Variants in PDE4B observed in about 807,000 individuals in gnomAD.
PDE4B encodes phosphodiesterase 4B.
In PDE4B, 20 loss-of-function variants were observed where a neutral mutation model predicts 82.2. The observed-to-expected ratio is 0.24, with a 90% CI of 0.17 to 0.35. The LOEUF (loss-of-function observed/expected upper bound fraction) is 0.35, where lower values mean the gene tolerates loss of function less well. Among genes scored for constraint, PDE4B ranks in the 10% least tolerant of loss-of-function variants. PDE4B has a pLI of 1.00. For synonymous variants in PDE4B, 320 were observed against 318.9 expected (o/e 1.00, Z -0.04); for missense variants, 655 against 907.2 (o/e 0.72, Z 3.57).
intron 2 of PDE4B, among the ~76,000 whole-genome samples, chr1:65,913,831 C>T (rs1409966978): frequency 1.3e-5 from 2 of 152,132 alleles, no homozygotes; most frequent in Non-Finnish European, 2.9e-5. Flanking sequence ...GCAGTATTAG[C>T]ATTACCTGGG....
chr1:65,954,835 T>C (rs573245331), intron 3 of PDE4B, among the ~76,000 whole-genome samples: 8 of 152,154 alleles, frequency 5.3e-5, no homozygotes, highest in Admixed American at 5.2e-4. Flanking sequence ...CTTTTTCTAA[T>C]TTTTAAATAT....
At chr1:66,319,481 C>G (rs1267247034) in intron 7 of PDE4B, among the ~76,000 whole-genome samples, 1 of 152,206 alleles carries the variant, frequency 6.6e-6, no homozygotes, top group Non-Finnish European at 1.5e-5. Context: ...TAATAATTTA[C>G]CAAGTGCTTA....
intron 3 of PDE4B, among the ~76,000 whole-genome samples, chr1:65,964,896 A>G (rs1370615431): frequency 4.9e-5 from 1 of 20,600 alleles, no homozygotes; most frequent in Non-Finnish European, 1.1e-4. Flanking sequence ...AACAGTGGTT[A>G]TACCCAGTGG....
chr1:66,321,482 C>T (rs980823044), intron 7 of PDE4B, among the ~76,000 whole-genome samples: 2 of 152,098 alleles, frequency 1.3e-5, no homozygotes, highest in Non-Finnish European at 2.9e-5. Context: ...AACAAAATAT[C>T]TGAGATTAGG....
chr1:66,161,155 G>T (rs1646604852), intron 3 of PDE4B, among the ~76,000 whole-genome samples: 2 of 151,890 alleles, frequency 1.3e-5, no homozygotes, highest in Non-Finnish European at 2.9e-5. Context: ...ATTCAAATTG[G>T]GCATCTAACA....
In PDE4B at chr1:66,275,737, G is replaced by A. The variant is rs796724101; in HGVS notation, c.634+9650G>A. Among the ~76,000 whole-genome samples, 44 of 152,190 alleles carry A rather than the reference G, an allele frequency of 2.9e-4. 1 individual carries two copies. The highest frequency in any genetic ancestry group is 9.1e-4 in the African/African-American group (38 of 41,532). ...TGAAGTTGCCTCCAGAACTGTTCTC[G>A]GAAGCCAGGAGCATTTCAGGGAACA... On this transcript the variant is annotated intron_variant, in intron 7 of 16. Coordinates refer to ENST00000341517, the MANE Select transcript of PDE4B (RefSeq NM_002600.4).
At chr1:65,928,500 A>T (rs1374563707) in intron 3 of PDE4B, among the ~76,000 whole-genome samples, 1 of 152,154 alleles carries the variant, frequency 6.6e-6, no homozygotes, top group Non-Finnish European at 1.5e-5. Flanking sequence ...GTTGAGTGCC[A>T]CCACTTGGCT....
At chr1:66,224,171 A>T (rs1044964554) in intron 3 of PDE4B, among the ~76,000 whole-genome samples, 8 of 151,840 alleles carry the variant, frequency 5.3e-5, no homozygotes, top group African/African-American at 1.9e-4. Context: ...CACTGCTTAG[A>T]TTTCTACTCC....
At chr1:66,164,260 G>A (rs935273568) in intron 3 of PDE4B, among the ~76,000 whole-genome samples, 5 of 151,936 alleles carry the variant, frequency 3.3e-5, no homozygotes, top group South Asian at 2.1e-4. Flanking sequence ...CAATCAGGCC[G>A]GGCACAGTGG....
chr1:66,325,409 T>C (rs1037115869), intron 7 of PDE4B, among the ~76,000 whole-genome samples: 1 of 152,194 alleles, frequency 6.6e-6, no homozygotes, highest in Non-Finnish European at 1.5e-5. Flanking sequence ...AGTGTATTGT[T>C]CATTGCTGTA....
At chr1:65,809,814 C>T (rs990519850) in intron 1 of PDE4B, among the ~76,000 whole-genome samples, 1 of 152,206 alleles carries the variant, frequency 6.6e-6, no homozygotes, top group Non-Finnish European at 1.5e-5. Context: ...GCCTGACAAA[C>T]TGATTTTCAG....
At chr1:66,236,955 C>G (rs1652510930) in intron 3 of PDE4B, among the ~76,000 whole-genome samples, 1 of 152,158 alleles carries the variant, frequency 6.6e-6, no homozygotes, top group Admixed American at 6.5e-5. Flanking sequence ...AAACAAGTTC[C>G]TTCCTTCCTC....
chr1:65,991,760 A>G (rs776402867), intron 3 of PDE4B, among the ~76,000 whole-genome samples: 1 of 152,216 alleles, frequency 6.6e-6, no homozygotes, highest in Non-Finnish European at 1.5e-5. Flanking sequence ...TTCTTTGTGA[A>G]CAAAGAATAC....
Position 66,368,029 on chromosome 1 carries a change from C to A in PDE4B, c.1626C>A (p.Gly542=). The A allele has an allele frequency of 6.2e-7, 1 of 1,613,802 alleles. No individual in the cohort carries two copies. Among genetic ancestry groups the A allele is most frequent in the Non-Finnish European group, 8.5e-7 (1 of 1,179,812 alleles). The change falls in exon 15 of 17, where the codon GGC becomes GGA. Residue 542 remains glycine (G), a synonymous_variant. Transcript: ENST00000341517. The stretch of plus-strand genomic sequence containing the variant: ...AAACGAAGAAAGTTACAAGTTCAGG[C>A]GTTCTTCTCCTAGACAACTATACCG... ...MVETKKVTSS[G]VLLLDNYTDR... is the part of the protein sequence containing the mutation.
chr1:66,371,432 A>G (rs1184945716), intron 16 of PDE4B, among the ~76,000 whole-genome samples: 1 of 152,030 alleles, frequency 6.6e-6, no homozygotes, highest in East Asian at 1.9e-4. Context: ...TTGTCCAACA[A>G]TGAGGAGGCC....
At chr1:65,803,490 A>G (rs190067693) in intron 1 of PDE4B, among the ~76,000 whole-genome samples, 1 of 152,362 alleles carries the variant, frequency 6.6e-6, no homozygotes, top group Non-Finnish European at 1.5e-5. Flanking sequence ...TAAAAACAAC[A>G]TATTCTTAAG....
chr1:65,984,141 A>C (rs1305896450), intron 3 of PDE4B, among the ~76,000 whole-genome samples: 1 of 152,212 alleles, frequency 6.6e-6, no homozygotes, highest in Admixed American at 6.5e-5. Context: ...ATGGAATGCT[A>C]TTTGGCAATA....
chr1:66,004,173 A>G (rs921490066), intron 3 of PDE4B, among the ~76,000 whole-genome samples: 2 of 152,220 alleles, frequency 1.3e-5, no homozygotes, highest in African/African-American at 2.4e-5. Context: ...TATGATGGTT[A>G]GTATAATCCC....
At chr1:66,107,485 T>C (rs922323663) in intron 3 of PDE4B, among the ~76,000 whole-genome samples, 1 of 149,838 alleles carries the variant, frequency 6.7e-6, no homozygotes, top group Admixed American at 6.8e-5. Context: ...TTTTCAGCTG[T>C]TCACATAATT....
Sources: gnomAD v4.1 joint callset for allele counts (sites outside exome capture counted in the v4.1 genomes callset) on GRCh38, gnomAD v4.1.1 for gene constraint, MANE v1.5 for transcripts, NCBI Gene and HGNC (gene_info 2026-07-23, HGNC 2026-07-21) for gene names.